Variants in VWC2L observed in about 807,000 individuals in gnomAD.
VWC2L encodes von Willebrand factor C domain-containing protein 2-like.
In VWC2L, 10 loss-of-function variants were observed where a neutral mutation model predicts 21.6. The observed-to-expected ratio is 0.46, with a 90% CI of 0.29 to 0.78. VWC2L has a LOEUF of 0.78. Among genes scored for constraint, VWC2L ranks in the 30% least tolerant of loss-of-function variants. The pLI is 0.10. For synonymous variants in VWC2L, 96 were observed against 94.3 expected (o/e 1.02, Z -0.10); for missense variants, 209 against 277.1 (o/e 0.75, Z 1.74).
chr2:214,465,229 G>T (rs1703199369), intron 3 of VWC2L, among the ~76,000 whole-genome samples: 1 of 152,144 alleles, frequency 6.6e-6, no homozygotes, highest in Non-Finnish European at 1.5e-5. Context: ...CCACAGCTGG[G>T]AATGCACTCA....
chr2:214,536,383 G>A (rs1689529111), intron 3 of VWC2L, among the ~76,000 whole-genome samples: 2 of 152,022 alleles, frequency 1.3e-5, no homozygotes, highest in African/African-American at 2.4e-5. Flanking sequence ...TTAAAGCAAA[G>A]TTCATGACAT....
intron 3 of VWC2L, among the ~76,000 whole-genome samples, chr2:214,479,228 T>C (rs1204004985): frequency 6.6e-6 from 1 of 152,180 alleles, no homozygotes; most frequent in Non-Finnish European, 1.5e-5. Context: ...GAAGCAAACT[T>C]CCCATCCTAA....
In VWC2L at chr2:214,487,719, A is replaced by C. The variant is rs529198306; in HGVS notation, c.520+50961A>C. On this transcript the variant is annotated intron_variant, in intron 3 of 3. Coordinates refer to ENST00000312504, the MANE Select transcript of VWC2L (RefSeq NM_001080500.4). ...ATTCAAGAAAGCTGTACAGTCCAGC[A>C]TAAAGAATCGGATGTGAGTGAAGGT... 6.6e-4 allele frequency among the ~76,000 whole-genome samples: 100 copies of C among 152,338 alleles called. 1 individual carries two copies. The highest frequency in any genetic ancestry group is 1.0e-3 in the Non-Finnish European group (70 of 68,030).
At chr2:214,526,531 A>G (rs566554123) in intron 3 of VWC2L, among the ~76,000 whole-genome samples, 89 of 152,346 alleles carry the variant, frequency 5.8e-4, no homozygotes, top group South Asian at 1.4e-3. Flanking sequence ...CACCTATATA[A>G]GGACACAAAA....
At chr2:214,503,044 T>G (rs2105901917) in intron 3 of VWC2L, among the ~76,000 whole-genome samples, 1 of 152,314 alleles carries the variant, frequency 6.6e-6, no homozygotes, top group East Asian at 1.9e-4. Flanking sequence ...CCTTTGCTAG[T>G]ATTGGGAAGG....
chr2:214,414,837 AT>A (rs897279989), intron 2 of VWC2L: 1 of 451,442 alleles, frequency 2.2e-6, no homozygotes, highest in African/African-American at 2.1e-5. Context: ...AACACCTTTT[AT>A]TTTTGCCCTT....
chr2:214,473,279 A>G (rs892543027), intron 3 of VWC2L, among the ~76,000 whole-genome samples: 1 of 152,198 alleles, frequency 6.6e-6, no homozygotes, highest in Non-Finnish European at 1.5e-5. Flanking sequence ...GACCTCTTCT[A>G]TGTATTAATT....
At chr2:214,567,893 A>G (rs1190208739) in intron 3 of VWC2L, among the ~76,000 whole-genome samples, 1 of 152,224 alleles carries the variant, frequency 6.6e-6, no homozygotes, top group Non-Finnish European at 1.5e-5. Context: ...AAAGCTCTTG[A>G]AAAGAATCTT....
chr2:214,488,455 C>T (rs1463198730), intron 3 of VWC2L, among the ~76,000 whole-genome samples: 3 of 152,070 alleles, frequency 2.0e-5, no homozygotes, highest in Admixed American at 1.3e-4. Flanking sequence ...AAGAATTAGC[C>T]AGCCGTAGTG....
chr2:214,454,593 A>ATTTTTTTTT (rs1703025765), intron 3 of VWC2L, among the ~76,000 whole-genome samples: 1 of 59,764 alleles, frequency 1.7e-5, no homozygotes, highest in African/African-American at 6.7e-5. Flanking sequence ...ACATTGATTG[A>ATTTTTTTTT]TTTTCTTTTT....
intron 3 of VWC2L, among the ~76,000 whole-genome samples, chr2:214,503,820 T>C (rs186740367): frequency 5.8e-4 from 88 of 152,300 alleles, no homozygotes; most frequent in Admixed American, 2.5e-3. Context: ...ATGTTGCTTT[T>C]TGTTATATCT....
At chr2:214,481,417 T>A (rs1688602189) in intron 3 of VWC2L, among the ~76,000 whole-genome samples, 1 of 152,170 alleles carries the variant, frequency 6.6e-6, no homozygotes, top group African/African-American at 2.4e-5. Flanking sequence ...GATCTCAGAC[T>A]CGTGAATGAG....
chr2:214,568,508 G>A (rs930629261), intron 3 of VWC2L, among the ~76,000 whole-genome samples: 2 of 152,210 alleles, frequency 1.3e-5, no homozygotes, highest in South Asian at 4.1e-4. Context: ...AGTTCCACAT[G>A]GCTGGGGAGG....
At chr2:214,518,936 A>G (rs557927839) in intron 3 of VWC2L, among the ~76,000 whole-genome samples, 1 of 152,332 alleles carries the variant, frequency 6.6e-6, no homozygotes, top group South Asian at 2.1e-4. Context: ...TGCCCATCAA[A>G]GAGCATATTT....
intron 3 of VWC2L, among the ~76,000 whole-genome samples, chr2:214,468,518 T>C (rs767777985): frequency 1.6e-4 from 25 of 152,136 alleles, no homozygotes; most frequent in Admixed American, 3.3e-4. Context: ...TTCAGCTAAA[T>C]ACAATGAAAC....
intron 3 of VWC2L, among the ~76,000 whole-genome samples, chr2:214,567,122 CAAT>C (rs1025420424): frequency 4.6e-5 from 7 of 152,056 alleles, no homozygotes; most frequent in Non-Finnish European, 1.0e-4. Context: ...CACTAAGTGT[CAAT>C]AATAAATTTT....
At position 214,518,756 on chromosome 2, in the gene VWC2L, A is replaced by T. The variant is rs368304053; in HGVS notation, c.521-56916A>T. 1.8e-3 allele frequency among the ~76,000 whole-genome samples: 268 copies of T among 152,338 alleles called. 2 individuals carry two copies. The highest frequency in any genetic ancestry group is 5.7e-3 in the African/African-American group (238 of 41,568). On this transcript the variant is annotated intron_variant, in intron 3 of 3. Coordinates refer to ENST00000312504, the MANE Select transcript of VWC2L (RefSeq NM_001080500.4). ...GCCTTACCTGAAACTGTGGAATGAA[A>T]GACTCTATCCCCAAAAGAATGTTAG...
intron 3 of VWC2L, among the ~76,000 whole-genome samples, chr2:214,489,990 A>G (rs1235473702): frequency 6.6e-6 from 1 of 152,228 alleles, no homozygotes; most frequent in African/African-American, 2.4e-5. Flanking sequence ...CACTGGGTGC[A>G]GGAGAGCTGG....
chr2:214,575,364 T>C (rs947039421), intron 3 of VWC2L, among the ~76,000 whole-genome samples: 5 of 152,084 alleles, frequency 3.3e-5, no homozygotes, highest in African/African-American at 7.2e-5. Flanking sequence ...ACAAAACAAA[T>C]ACAGTTTAAC....
Sources: gnomAD v4.1 joint callset for allele counts (sites outside exome capture counted in the v4.1 genomes callset) on GRCh38, gnomAD v4.1.1 for gene constraint, MANE v1.5 for transcripts, NCBI Gene and HGNC (gene_info 2026-07-23, HGNC 2026-07-21) for gene names.